Variants in MEF2A observed in about 807,000 individuals in gnomAD.
The protein encoded by MEF2A is myocyte enhancer factor 2A, also known as myocyte-specific enhancer factor 2A.
Under a neutral mutation model 55.8 loss-of-function variants are expected in MEF2A, and 28 were observed. That is an observed-to-expected ratio of 0.50 (90% confidence interval 0.37 to 0.69). The LOEUF (loss-of-function observed/expected upper bound fraction) is 0.69, where lower values mean the gene tolerates loss of function less well. Ranked by LOEUF, MEF2A falls within the 30% of genes least tolerant of loss-of-function variation. The probability of loss-of-function intolerance (pLI) is 0.00; values close to 1 mark genes in which losing one functional copy is unlikely to be tolerated. For missense variants in MEF2A, 528 were observed against 626.2 expected, an observed-to-expected ratio of 0.84 and a Z score of 1.67; for synonymous variants, 239 against 227.1, an observed-to-expected ratio of 1.05 and a Z score of -0.47.
chr15:99,587,043 G>T (rs1278398527), intron 1 of MEF2A, among the ~76,000 whole-genome samples: 1 of 151,756 alleles, frequency 6.6e-6, no homozygotes, highest in African/African-American at 2.4e-5. Flanking sequence ...ATCAGGTAGT[G>T]TAAATCCTTC....
At chr15:99,617,708 T>G (rs772276126) in intron 2 of MEF2A, among the ~76,000 whole-genome samples, 27 of 152,146 alleles carry the variant, frequency 1.8e-4, no homozygotes, top group Non-Finnish European at 2.9e-4. Flanking sequence ...TATTTTCATT[T>G]TCTTCCACTC....
At chr15:99,709,450 C>T (rs1323730817) in intron 10 of MEF2A, among the ~76,000 whole-genome samples, 5 of 152,138 alleles carry the variant, frequency 3.3e-5, no homozygotes, top group African/African-American at 7.2e-5. Flanking sequence ...GACTGTGGGC[C>T]GGAGGGAGCA....
intron 4 of MEF2A, among the ~76,000 whole-genome samples, chr15:99,653,435 C>T (rs980077239): frequency 6.6e-6 from 1 of 152,150 alleles, no homozygotes; most frequent in Non-Finnish European, 1.5e-5. Context: ...TACAATTATG[C>T]AATCAGTGCT....
At chr15:99,570,122 TAA>T (rs1842412512) in intron 1 of MEF2A, among the ~76,000 whole-genome samples, 1 of 152,124 alleles carries the variant, frequency 6.6e-6, no homozygotes, top group African/African-American at 2.4e-5. Context: ...GCATATGAGT[TAA>T]AAATATTAGC....
intron 7 of MEF2A, among the ~76,000 whole-genome samples, chr15:99,678,237 AT>A: frequency 6.6e-6 from 1 of 152,268 alleles, no homozygotes; most frequent in Middle Eastern, 3.4e-3. Flanking sequence ...TCTTTGAGAT[AT>A]TATTTTCTAG....
chr15:99,616,996 A>G (rs1162258130), intron 2 of MEF2A, among the ~76,000 whole-genome samples: 1 of 152,176 alleles, frequency 6.6e-6, no homozygotes, highest in Non-Finnish European at 1.5e-5. Flanking sequence ...TTACTCTTCC[A>G]CTGTCTCCTG....
At chr15:99,567,661 G>GTGTGTA (rs1398673176) in intron 1 of MEF2A, among the ~76,000 whole-genome samples, 5 of 151,162 alleles carry the variant, frequency 3.3e-5, no homozygotes, top group Admixed American at 1.3e-4. Context: ...GTGTGTGTGT[G>GTGTGTA]TGTATTTTTG....
chr15:99,671,007 T>C (rs1379463300), intron 4 of MEF2A, among the ~76,000 whole-genome samples: 1 of 152,250 alleles, frequency 6.6e-6, no homozygotes, highest in Non-Finnish European at 1.5e-5. Flanking sequence ...TTATATCATA[T>C]AAATTGATCA....
chr15:99,651,303 G>T (rs2046810289), intron 4 of MEF2A, among the ~76,000 whole-genome samples: 1 of 152,138 alleles, frequency 6.6e-6, no homozygotes, highest in Non-Finnish European at 1.5e-5. Context: ...ATCATCTAGT[G>T]CTTGACCTTA....
chr15:99,682,758 C>A (rs1164699196), intron 7 of MEF2A, among the ~76,000 whole-genome samples: 2 of 152,210 alleles, frequency 1.3e-5, no homozygotes, highest in Admixed American at 1.3e-4. Context: ...TCATATCTAT[C>A]TAAAGCACCA....
intron 7 of MEF2A, among the ~76,000 whole-genome samples, chr15:99,677,229 G>C (rs992754312): frequency 6.6e-6 from 1 of 152,062 alleles, no homozygotes; most frequent in African/African-American, 2.4e-5. Context: ...TAAAGCAAAT[G>C]AAAACTTGCA....
intron 3 of MEF2A, among the ~76,000 whole-genome samples, chr15:99,643,444 AAGTGAT>A (rs1299263099): frequency 1.3e-5 from 2 of 152,168 alleles, no homozygotes; most frequent in Non-Finnish European, 2.9e-5. Flanking sequence ...CTCATGTCAT[AAGTGAT>A]AGTATTTTTC....
intron 10 of MEF2A, among the ~76,000 whole-genome samples, chr15:99,710,029 T>G (rs2153822162): frequency 6.6e-6 from 1 of 152,358 alleles, no homozygotes; most frequent in African/African-American, 2.4e-5. Context: ...TGGTTGAGGT[T>G]GAGTGTTTCT....
intron 8 of MEF2A, among the ~76,000 whole-genome samples, chr15:99,703,092 T>C (rs1057364102): frequency 6.6e-6 from 1 of 152,192 alleles, no homozygotes; most frequent in South Asian, 2.1e-4. Flanking sequence ...TGACTATGTA[T>C]AAGAGGCCAG....
chr15:99,610,482 C>G (rs1381291880), intron 2 of MEF2A, among the ~76,000 whole-genome samples: 1 of 123,910 alleles, frequency 8.1e-6, no homozygotes, highest in African/African-American at 3.0e-5. Flanking sequence ...ATTGAAGATA[C>G]TTAGAATAGC....
At position 99,715,090 on chromosome 15, in the gene MEF2A, G is replaced by T. The variant is rs372383636; in HGVS notation, c.*2319G>T. Reference sequence around the variant, plus strand: ...TCTTTAAAAATGTACTTACTTTACTGAACTACTTACAGGCACATTTCTTCA... The same window carrying T: ...TCTTTAAAAATGTACTTACTTTACTTAACTACTTACAGGCACATTTCTTCA... On this transcript the variant is annotated 3_prime_UTR_variant, in exon 12 of 12. Coordinates refer to ENST00000557942, the MANE Select transcript of MEF2A (RefSeq NM_001319206.4). 1 of 152,124 alleles carries T rather than the reference G, an allele frequency of 6.6e-6. No homozygotes were observed. The highest frequency in any genetic ancestry group is 2.4e-5 in the African/African-American group (1 of 41,414). The allele number at this position is 152,124 out of a possible 1,614,324, so 9.4% of individuals were successfully genotyped here.
intron 4 of MEF2A, among the ~76,000 whole-genome samples, chr15:99,649,348 G>A (rs1271886634): frequency 6.6e-6 from 1 of 152,074 alleles, no homozygotes; most frequent in Non-Finnish European, 1.5e-5. Context: ...CTGAAATGAA[G>A]AATATCATTG....
At chr15:99,681,049 A>G (rs1269052277) in intron 7 of MEF2A, among the ~76,000 whole-genome samples, 1 of 152,198 alleles carries the variant, frequency 6.6e-6, no homozygotes, top group African/African-American at 2.4e-5. Flanking sequence ...CTGGGTTTAT[A>G]CTATAGTTCA....
intron 2 of MEF2A, among the ~76,000 whole-genome samples, chr15:99,628,560 TTAC>T (rs1304688603): frequency 6.6e-6 from 1 of 152,220 alleles, no homozygotes; most frequent in Non-Finnish European, 1.5e-5. Context: ...GTTTGTGCTT[TTAC>T]TGTTCTTGCC....
Sources: gnomAD v4.1 joint callset for allele counts (sites outside exome capture counted in the v4.1 genomes callset) on GRCh38, gnomAD v4.1.1 for gene constraint, MANE v1.5 for transcripts, NCBI Gene and HGNC (gene_info 2026-07-23, HGNC 2026-07-21) for gene names.